CIMIP6: variants seen among roughly 807,000 people sequenced by gnomAD.
The protein encoded by CIMIP6 is ciliary microtubule inner protein 6, also known as uncharacterized protein C2orf73.
chr2:54,343,560 T>C, the CIMIP6 span, among the ~76,000 whole-genome samples: 1 of 152,230 alleles, frequency 6.6e-6, no homozygotes, highest in Non-Finnish European at 1.5e-5. Flanking sequence ...AAGAAATACA[T>C]TTTTTGTGAA....
chr2:54,332,303 CACTT>C, the CIMIP6 span, among the ~76,000 whole-genome samples: 1 of 152,228 alleles, frequency 6.6e-6, no homozygotes, highest in Non-Finnish European at 1.5e-5. Context: ...TTGTCCTTAG[CACTT>C]AACAGACTAT....
the CIMIP6 span, among the ~76,000 whole-genome samples, chr2:54,377,534 C>T: frequency 6.6e-6 from 1 of 152,138 alleles, no homozygotes; most frequent in Non-Finnish European, 1.5e-5. Context: ...TAAAACCTAA[C>T]AATTGGCTCT....
chr2:54,373,629 A>G, the CIMIP6 span, among the ~76,000 whole-genome samples: 2 of 152,092 alleles, frequency 1.3e-5, no homozygotes, highest in African/African-American at 4.8e-5. Flanking sequence ...AGTCTTCTTA[A>G]ATTACAGCCC....
the CIMIP6 span, among the ~76,000 whole-genome samples, chr2:54,377,745 C>T: frequency 2.9e-5 from 4 of 140,338 alleles, no homozygotes; most frequent in African/African-American, 8.4e-5. Context: ...GGCTTGGCGT[C>T]GGGGCTGGAG....
At chr2:54,372,192 T>C in the CIMIP6 span, among the ~76,000 whole-genome samples, 2 of 152,160 alleles carry the variant, frequency 1.3e-5, no homozygotes, top group Admixed American at 6.5e-5. Flanking sequence ...AAACTGTAAC[T>C]ATGCAGTGGA....
the CIMIP6 span, among the ~76,000 whole-genome samples, chr2:54,352,671 T>A: frequency 1.3e-5 from 2 of 152,178 alleles, no homozygotes; most frequent in African/African-American, 2.4e-5. Flanking sequence ...AGGACCCCTG[T>A]GGATACCAAA....
chr2:54,337,211 G>T, the CIMIP6 span, among the ~76,000 whole-genome samples: 1 of 152,146 alleles, frequency 6.6e-6, no homozygotes, highest in Non-Finnish European at 1.5e-5. Flanking sequence ...CTTTTTGTGA[G>T]CTCTCTTCGT....
the CIMIP6 span, chr2:54,343,873 G>A: frequency 6.3e-7 from 1 of 1,593,310 alleles, no homozygotes; most frequent in Non-Finnish European, 8.5e-7. Context: ...TTGTGGAATA[G>A]GTAAGGTTTT....
chr2:54,376,849 C>T, the CIMIP6 span, among the ~76,000 whole-genome samples: 1 of 152,212 alleles, frequency 6.6e-6, no homozygotes, highest in Non-Finnish European at 1.5e-5. Flanking sequence ...ACCAGGGCTT[C>T]TCCCAGCTGG....
chr2:54,332,336 C>T, the CIMIP6 span, among the ~76,000 whole-genome samples: 4 of 152,262 alleles, frequency 2.6e-5, no homozygotes, highest in East Asian at 3.9e-4. Context: ...CTTTTTCATC[C>T]GCCTTTCCCC....
At chr2:54,367,361 C>T in the CIMIP6 span, among the ~76,000 whole-genome samples, 1 of 151,886 alleles carries the variant, frequency 6.6e-6, no homozygotes, top group Non-Finnish European at 1.5e-5. Flanking sequence ...ATCTGACAAC[C>T]CTATGTCAGT....
the CIMIP6 span, among the ~76,000 whole-genome samples, chr2:54,344,698 G>A: frequency 1.5e-3 from 175 of 120,178 alleles, 1 homozygote; most frequent in African/African-American, 5.3e-3. Context: ...CAGTTATTTC[G>A]GTAAATCAAG....
At chr2:54,379,687 A>G in the CIMIP6 span, among the ~76,000 whole-genome samples, 4 of 151,870 alleles carry the variant, frequency 2.6e-5, no homozygotes, top group Admixed American at 2.6e-4. Flanking sequence ...AATTCAAAAA[A>G]TTAAGTTGGC....
the CIMIP6 span, among the ~76,000 whole-genome samples, chr2:54,350,192 T>C: frequency 3.2e-5 from 2 of 63,010 alleles, no homozygotes; most frequent in Admixed American, 1.5e-4. Context: ...TGTGAGATTA[T>C]GGAAGGTTTT....
chr2:54,378,411 A>G, the CIMIP6 span, among the ~76,000 whole-genome samples: 1 of 152,240 alleles, frequency 6.6e-6, no homozygotes, highest in Non-Finnish European at 1.5e-5. Context: ...ACATTTTTAA[A>G]CAGGAAGTCT....
At chr2:54,365,270 C>A in the CIMIP6 span, among the ~76,000 whole-genome samples, 2 of 151,982 alleles carry the variant, frequency 1.3e-5, no homozygotes, top group Non-Finnish European at 2.9e-5. Context: ...AAGAAAGCAA[C>A]AGAAATACTG....
At chr2:54,369,817 A>G in the CIMIP6 span, among the ~76,000 whole-genome samples, 1 of 152,336 alleles carries the variant, frequency 6.6e-6, no homozygotes, top group African/African-American at 2.4e-5. Flanking sequence ...AGGGGCATGA[A>G]GGGCATCCCC....
chr2:54,331,676 C>G, the CIMIP6 span, among the ~76,000 whole-genome samples: 2 of 152,070 alleles, frequency 1.3e-5, no homozygotes, highest in Non-Finnish European at 2.9e-5. Context: ...GGACTTCCCA[C>G]CCCCGAGACA....
the CIMIP6 span, among the ~76,000 whole-genome samples, chr2:54,357,191 G>A: frequency 6.6e-6 from 1 of 152,084 alleles, no homozygotes; most frequent in East Asian, 1.9e-4. Context: ...TGCTAACTGG[G>A]AAAAGATTGC....
Sources: gnomAD v4.1 joint callset for allele counts (sites outside exome capture counted in the v4.1 genomes callset) on GRCh38, gnomAD v4.1.1 for gene constraint, MANE v1.5 for transcripts, NCBI Gene and HGNC (gene_info 2026-07-23, HGNC 2026-07-21) for gene names.